ARHGAP8: variants seen among roughly 807,000 people sequenced by gnomAD.
ARHGAP8 encodes rho GTPase-activating protein 8.
Under a neutral mutation model 46.1 loss-of-function variants are expected in ARHGAP8, and 62 were observed. The ratio of observed to expected loss-of-function variants is 1.34; its 90% CI spans 1.10 to 1.66. ARHGAP8 has a LOEUF of 1.66. Ranked by LOEUF, ARHGAP8 falls within the 40% of genes most tolerant of loss-of-function variation. ARHGAP8 has a pLI of 0.00. For missense variants in ARHGAP8, 923 were observed against 568.4 expected (o/e 1.62, Z -6.34); for synonymous variants, 375 against 243.1 (o/e 1.54, Z -5.05).
intron 2 of ARHGAP8, 76 bp from the exon 3 acceptor site, chr22:44,802,001 G>A: frequency 6.3e-7 from 1 of 1,584,184 alleles, no homozygotes; most frequent in Non-Finnish European, 8.6e-7. Context: ...TGGCCAAGGA[G>A]GCTGCTTTTT....
chr22:44,822,030 C>T (rs1303092802), intron 5 of ARHGAP8, among the ~76,000 whole-genome samples: 1 of 152,166 alleles, frequency 6.6e-6, no homozygotes, highest in Non-Finnish European at 1.5e-5. Context: ...GGCTTAGTGC[C>T]CCCTGTCTAG....
At chr22:44,793,319 C>T (rs761586950) in intron 2 of ARHGAP8, among the ~76,000 whole-genome samples, 35 of 152,064 alleles carry the variant, frequency 2.3e-4, no homozygotes, top group Admixed American at 2.6e-4. Context: ...TAGAGGTAGA[C>T]GCTCAGAGAC....
chr22:44,808,090 A>G (rs1008585876), intron 3 of ARHGAP8, among the ~76,000 whole-genome samples: 2 of 152,168 alleles, frequency 1.3e-5, no homozygotes, highest in African/African-American at 4.8e-5. Flanking sequence ...TACCACATCC[A>G]CTTACTAGCT....
At chr22:44,817,250 A>G (rs774933801) in intron 5 of ARHGAP8, among the ~76,000 whole-genome samples, 17 of 152,192 alleles carry the variant, frequency 1.1e-4, no homozygotes, top group Non-Finnish European at 2.5e-4. Flanking sequence ...CCTGAGGCAC[A>G]CTGGGAGAAT....
intron 5 of ARHGAP8, among the ~76,000 whole-genome samples, chr22:44,819,885 G>A (rs1360761554): frequency 2.0e-5 from 3 of 152,148 alleles, no homozygotes; most frequent in Non-Finnish European, 4.4e-5. Flanking sequence ...CTGAGCCTGT[G>A]TGGTTCTACC....
At chr22:44,824,708 C>T (rs1040721918) in intron 6 of ARHGAP8, among the ~76,000 whole-genome samples, 1 of 149,130 alleles carries the variant, frequency 6.7e-6, no homozygotes, top group African/African-American at 2.5e-5. Context: ...TCTCGGCTCT[C>T]TGCAACCTCC....
chr22:44,798,544 T>TGG (rs1417965245), intron 2 of ARHGAP8, among the ~76,000 whole-genome samples: 7 of 118,856 alleles, frequency 5.9e-5, no homozygotes, highest in South Asian at 2.9e-4. Flanking sequence ...TTTTTTTTTT[T>TGG]GGGTAGGGCT....
At position 44,785,389 on chromosome 22, in the gene ARHGAP8, T is replaced by G. The variant is rs78187602; in HGVS notation, c.-71-1068T>G. On this transcript the variant is annotated intron_variant, in intron 1 of 11. Coordinates refer to ENST00000356099, the MANE Select transcript of ARHGAP8 (RefSeq NM_181335.3). ...TCAAGGTGTCTGCAGAGCTGCACTTTCCCGAAGGCTCCAGGGGAGGGTCTT... is the reference window on the plus strand; with the variant it reads ...TCAAGGTGTCTGCAGAGCTGCACTTGCCCGAAGGCTCCAGGGGAGGGTCTT... Among the ~76,000 whole-genome samples the G allele has an allele frequency of 9.9e-5, 15 of 152,210 alleles. No homozygotes were observed. In the East Asian group the frequency reaches 2.1e-3, roughly 22 times the overall value.
chr22:44,841,327 CT>C (rs1292765243), intron 7 of ARHGAP8, among the ~76,000 whole-genome samples: 1 of 152,186 alleles, frequency 6.6e-6, no homozygotes, highest in Non-Finnish European at 1.5e-5. Flanking sequence ...TTTCTGCGTG[CT>C]GGGGTCCATT....
chr22:44,796,625 C>G (rs559974072), intron 2 of ARHGAP8, among the ~76,000 whole-genome samples: 55 of 152,180 alleles, frequency 3.6e-4, no homozygotes, highest in African/African-American at 1.3e-3. Flanking sequence ...CTCGCTCCCC[C>G]AGTTGGTGAT....
At chr22:44,829,118 CAAAAAAAAAAA>C (rs57906111) in intron 7 of ARHGAP8, among the ~76,000 whole-genome samples, 514 of 49,374 alleles carry the variant, frequency 0.01, 8 homozygotes, top group African/African-American at 0.045. Context: ...ACTAAAAATA[CAAAAAAAAAAA>C]AAAAAAAAAA....
chr22:44,857,999 A>G (rs1337872481), intron 10 of ARHGAP8, among the ~76,000 whole-genome samples: 1 of 152,172 alleles, frequency 6.6e-6, no homozygotes, highest in East Asian at 1.9e-4. Flanking sequence ...TTCGTAGATA[A>G]GGTTCAGGCA....
At chr22:44,777,951 C>T (rs1926542399) in intron 1 of ARHGAP8, among the ~76,000 whole-genome samples, 1 of 152,170 alleles carries the variant, frequency 6.6e-6, no homozygotes, top group Non-Finnish European at 1.5e-5. Flanking sequence ...CTGCCTCAGC[C>T]TCCCAAAGTG....
chr22:44,770,377 A>G (rs1249262628), intron 1 of ARHGAP8, among the ~76,000 whole-genome samples: 1 of 152,022 alleles, frequency 6.6e-6, no homozygotes, highest in Non-Finnish European at 1.5e-5. Context: ...CAGGAATGCA[A>G]AAGTCTGAAA....
At chr22:44,782,956 G>T (rs1012491347) in intron 1 of ARHGAP8, among the ~76,000 whole-genome samples, 1 of 152,128 alleles carries the variant, frequency 6.6e-6, no homozygotes, top group African/African-American at 2.4e-5. Context: ...TGCAGTGATG[G>T]GGGTGTCCAC....
chr22:44,772,352 CTTTTTTT>C (rs58041776), intron 1 of ARHGAP8, among the ~76,000 whole-genome samples: 3 of 92,426 alleles, frequency 3.2e-5, no homozygotes, highest in South Asian at 3.7e-4. Flanking sequence ...TTTCTTTTTT[CTTTTTTT>C]TTTTTTTTTA....
chr22:44,849,275 T>C (rs1011489271), intron 10 of ARHGAP8: 4 of 876,000 alleles, frequency 4.6e-6, no homozygotes, highest in Non-Finnish European at 6.7e-6. Context: ...GGAGGTGGGG[T>C]CGGTCAGGGT....
intron 2 of ARHGAP8, among the ~76,000 whole-genome samples, chr22:44,798,112 G>A (rs1491000882): frequency 2.6e-5 from 4 of 151,864 alleles, no homozygotes; most frequent in Non-Finnish European, 5.9e-5. Context: ...GAGTAGCTGG[G>A]ACTACAGGCG....
chr22:44,858,944 A>G (rs2070331592), intron 10 of ARHGAP8, among the ~76,000 whole-genome samples: 1 of 151,834 alleles, frequency 6.6e-6, no homozygotes, highest in African/African-American at 2.4e-5. Context: ...GCAACTACTC[A>G]GCTCTGCCCT....
Sources: allele counts gnomAD v4.1 joint callset (sites outside exome capture counted in the v4.1 genomes callset), GRCh38; gene constraint gnomAD v4.1.1; transcripts MANE v1.5; gene names NCBI Gene and HGNC (gene_info 2026-07-23, HGNC 2026-07-21).